The following CENPH variants were observed in gnomAD, a reference collection of about 807,000 sequenced individuals.
CENPH encodes the protein CENP-H.
A neutral mutation model predicts 42.9 loss-of-function variants in CENPH; 40 were observed. The observed-to-expected ratio is 0.93, with a 90% CI of 0.72 to 1.21. The LOEUF is 1.21. Among genes scored for constraint, CENPH ranks in the 50% most tolerant of loss-of-function variants. CENPH has a pLI of 0.00. For missense variants in CENPH, 302 were observed against 292.9 expected (o/e 1.03, Z -0.23); for synonymous variants, 88 against 96.5 (o/e 0.91, Z 0.52).
At chr5:69,197,939 T>G (rs1474763643) in intron 5 of CENPH, among the ~76,000 whole-genome samples, 7 of 92,742 alleles carry the variant, frequency 7.5e-5, no homozygotes, top group African/African-American at 3.1e-4. Flanking sequence ...TTTTTTTTTT[T>G]TGAGACAGTC....
intron 2 of CENPH, 119 bp from the exon 3 acceptor site, chr5:69,194,528 T>C: frequency 1.8e-6 from 1 of 571,396 alleles, no homozygotes; most frequent in Non-Finnish European, 3.2e-6. Context: ...CTGTTTCTTT[T>C]CTGTAATGTG....
chr5:69,205,702 C>CTTTTTTTTTT (rs1158243799), intron 7 of CENPH, among the ~76,000 whole-genome samples: 4 of 77,090 alleles, frequency 5.2e-5, no homozygotes, highest in Non-Finnish European at 6.8e-5. Flanking sequence ...CTGTAGATAT[C>CTTTTTTTTTT]TTTTTTTTTT....
At chr5:69,202,418 A>G (rs1033517797) in intron 5 of CENPH, 88 bp from the exon 6 acceptor site, 1 of 744,082 alleles carries the variant, frequency 1.3e-6, no homozygotes, top group Admixed American at 2.4e-5. Context: ...GTAAGTTTTC[A>G]CTCATTGATT....
chr5:69,202,167 AAAAT>A (rs1297482485), intron 5 of CENPH, among the ~76,000 whole-genome samples: 1 of 152,370 alleles, frequency 6.6e-6, no homozygotes, highest in East Asian at 1.9e-4. Context: ...ATTGCTCTAA[AAAAT>A]AAATTCAAAA....
chr5:69,205,725 T>G (rs1748145100), intron 7 of CENPH, among the ~76,000 whole-genome samples: 1 of 146,500 alleles, frequency 6.8e-6, no homozygotes, highest in Non-Finnish European at 1.5e-5. Context: ...TTTTTTTTTT[T>G]TGAGACGGAG....
chr5:69,205,866 G>A (rs1204961347), intron 7 of CENPH, among the ~76,000 whole-genome samples: 6 of 149,620 alleles, frequency 4.0e-5, no homozygotes, highest in Non-Finnish European at 8.9e-5. Context: ...CCGCCACCAC[G>A]CCCGGCTAAT....
At chr5:69,207,276 G>T (rs1461528841) in intron 7 of CENPH, among the ~76,000 whole-genome samples, 10 of 151,484 alleles carry the variant, frequency 6.6e-5, no homozygotes, top group Admixed American at 4.6e-4. Flanking sequence ...TGCAACCTCT[G>T]CCTCTGGGTT....
At chr5:69,190,290 T>G (rs945370519) in intron 1 of CENPH, among the ~76,000 whole-genome samples, 1 of 152,240 alleles carries the variant, frequency 6.6e-6, no homozygotes, top group Non-Finnish European at 1.5e-5. Flanking sequence ...CTGGGCCAAA[T>G]CTGCCTAACT....
In CENPH at chr5:69,208,345, C is replaced by A. The variant is rs758092279; in HGVS notation, c.637C>A (p.Gln213Lys). 2 of 1,590,620 alleles carry A rather than the reference C, an allele frequency of 1.3e-6. No homozygotes were observed. The highest frequency in any genetic ancestry group is 2.2e-5 in the East Asian group (1 of 44,620). Residue 213 changes from glutamine to lysine, a missense_variant, in exon 8 of 9, where the codon CAA becomes AAA. Transcript: ENST00000283006. ...GGAGATAAAAATTACTACTGTTATT[C>A]AACATGTGTTCCAGGTAACATTTAT... ...QMEIKITTVI[Q>K]HVFQNLILGS...
At chr5:69,208,614 C>T (rs906378618) in intron 8 of CENPH, among the ~76,000 whole-genome samples, 4 of 152,174 alleles carry the variant, frequency 2.6e-5, no homozygotes, top group Non-Finnish European at 5.9e-5. Flanking sequence ...CTGCCTCAGC[C>T]TCCCAAAGTG....
chr5:69,190,777 C>T (rs1747854730), intron 1 of CENPH, among the ~76,000 whole-genome samples: 1 of 152,076 alleles, frequency 6.6e-6, no homozygotes, highest in South Asian at 2.1e-4. Flanking sequence ...GTAATCCCAG[C>T]TACTCAGGAG....
chr5:69,205,713 T>TTC, intron 7 of CENPH, among the ~76,000 whole-genome samples: 1 of 139,232 alleles, frequency 7.2e-6, no homozygotes, highest in East Asian at 2.1e-4. Context: ...TTTTTTTTTT[T>TTC]TTTTTTTTTT....
At chr5:69,189,855 TTCACGCTCGG>T in intron 1 of CENPH, 87 bp downstream of exon 1, 1 of 1,371,192 alleles carries the variant, frequency 7.3e-7, no homozygotes, top group Non-Finnish European at 9.5e-7. Context: ...AGGGTTCGAA[TTCACGCTCGG>T]TCACGTCAGG....
intron 6 of CENPH, 127 bp from the exon 7 acceptor site, chr5:69,202,792 G>A: frequency 1.5e-6 from 1 of 651,482 alleles, no homozygotes; most frequent in Non-Finnish European, 2.6e-6. Context: ...TTGCTGTCTG[G>A]AAATAGAGGA....
chr5:69,192,735 C>T (rs1747896897), intron 2 of CENPH, among the ~76,000 whole-genome samples: 1 of 152,168 alleles, frequency 6.6e-6, no homozygotes, highest in Non-Finnish European at 1.5e-5. Context: ...CTCCACTCCA[C>T]TGGGCAACAG....
chr5:69,199,970 G>T (rs375751638), intron 5 of CENPH, among the ~76,000 whole-genome samples: 20 of 151,890 alleles, frequency 1.3e-4, no homozygotes, highest in Non-Finnish European at 2.2e-4. Context: ...AAAATTAGCC[G>T]GGCGTGGTGG....
At position 69,197,115 on chromosome 5, in the gene CENPH, A is replaced by AT. The variant is rs556707084; in HGVS notation, c.371+16dup. 7,452 of 1,443,594 alleles carry AT rather than the reference A, an allele frequency of 5.2e-3. No homozygotes were observed. Among genetic ancestry groups the AT allele is most frequent in the South Asian group, 9.1e-3 (658 of 72,302 alleles). 89.4% of individuals were successfully genotyped at this position (1,443,594 alleles called of 1,614,324 possible). ...AAAATTAGCAGACAGTCTAGGTATGATTTTTTTTTTCTCTGGATTCGGTAA... is the reference window on the plus strand; with the variant it reads ...AAAATTAGCAGACAGTCTAGGTATGATTTTTTTTTTTCTCTGGATTCGGTAA... On this transcript the variant is annotated splice_region_variant and intron_variant, in intron 5 of 8. Coordinates refer to ENST00000283006, the MANE Select transcript of CENPH (RefSeq NM_022909.4).
intron 3 of CENPH, 68 bp from the exon 4 acceptor site, chr5:69,195,649 A>T (rs1747950763): frequency 2.2e-6 from 2 of 902,930 alleles, no homozygotes; most frequent in South Asian, 1.5e-5. Context: ...GGCTTATTTT[A>T]TACATTTATT....
intron 4 of CENPH, 35 bp from the exon 5 acceptor site, chr5:69,197,018 C>A: frequency 1.4e-6 from 2 of 1,397,362 alleles, no homozygotes; most frequent in Non-Finnish European, 1.9e-6. Context: ...AAATGTTATC[C>A]ATGTTTTATA....
Sources: allele counts gnomAD v4.1 joint callset (sites outside exome capture counted in the v4.1 genomes callset), GRCh38; gene constraint gnomAD v4.1.1; transcripts MANE v1.5; gene names NCBI Gene and HGNC (gene_info 2026-07-23, HGNC 2026-07-21).